The following DLG5 variants were observed in gnomAD, a reference collection of about 807,000 sequenced individuals.
The protein encoded by DLG5 is disks large homolog 5.
Under a neutral mutation model 189.8 loss-of-function variants are expected in DLG5, and 48 were observed. That is an observed-to-expected ratio of 0.25 (90% confidence interval 0.20 to 0.32). DLG5 has a LOEUF of 0.32. DLG5 is among the 10% of genes least tolerant of loss of function. DLG5 has a pLI of 1.00. For missense variants in DLG5, 2,160 were observed against 2,544.7 expected, an observed-to-expected ratio of 0.85 and a Z score of 3.25; for synonymous variants, 1,016 against 1,054.1, an observed-to-expected ratio of 0.96 and a Z score of 0.70.
chr10:77,835,660 G>A (rs1052401918), intron 8 of DLG5, 78 bp downstream of exon 8: 2 of 1,440,548 alleles, frequency 1.4e-6, no homozygotes, highest in South Asian at 1.4e-5. Context: ...AAATGATTCC[G>A]ACCCTCCCAA....
chr10:77,809,765 A>G (rs751829129), intron 23 of DLG5, 35 bp from the exon 24 acceptor site: 3 of 1,588,174 alleles, frequency 1.9e-6, no homozygotes, highest in Admixed American at 1.8e-5. Flanking sequence ...TCAACTGTGC[A>G]CAAAGAGGAG....
intron 24 of DLG5, 100 bp from the exon 25 acceptor site, chr10:77,808,044 T>A (rs1841568250): frequency 1.4e-6 from 2 of 1,407,886 alleles, no homozygotes; most frequent in Non-Finnish European, 1.9e-6. Flanking sequence ...AAATTCAACA[T>A]CCCTCCTTAA....
At chr10:77,822,743 C>A (rs1842434495) in intron 14 of DLG5, among the ~76,000 whole-genome samples, 1 of 151,992 alleles carries the variant, frequency 6.6e-6, no homozygotes, top group African/African-American at 2.4e-5. Context: ...TTGTGGTACA[C>A]CCAGACAACG....
intron 1 of DLG5, among the ~76,000 whole-genome samples, chr10:77,893,213 A>C (rs910818638): frequency 3.3e-5 from 5 of 152,066 alleles, no homozygotes; most frequent in African/African-American, 4.8e-5. Context: ...TTACCTACCC[A>C]CCAGTGTCTC....
chr10:77,860,307 G>GC (rs1844423444), intron 2 of DLG5, among the ~76,000 whole-genome samples: 1 of 152,088 alleles, frequency 6.6e-6, no homozygotes, highest in African/African-American at 2.4e-5. Flanking sequence ...GGTTGGTTTT[G>GC]TTTTTTTGAG....
chr10:77,909,623 C>T (rs955630771), intron 1 of DLG5, among the ~76,000 whole-genome samples: 1 of 151,994 alleles, frequency 6.6e-6, no homozygotes, highest in African/African-American at 2.4e-5. Flanking sequence ...CTCACAAAAT[C>T]GGGGGAAATG....
At chr10:77,903,474 C>T (rs188620221) in intron 1 of DLG5, among the ~76,000 whole-genome samples, 360 of 151,386 alleles carry the variant, frequency 2.4e-3, no homozygotes, top group Non-Finnish European at 4.0e-3. Flanking sequence ...TACAATTAGC[C>T]GGGCATGGTG....
chr10:77,936,204 C>G, the DLG5 span, among the ~76,000 whole-genome samples: 1 of 152,080 alleles, frequency 6.6e-6, no homozygotes, highest in Non-Finnish European at 1.5e-5. Context: ...CTTTGGGAGG[C>G]CAAGGCAGGT....
At chr10:77,793,067 T>A (rs1352498359) in intron 31 of DLG5, 1 of 152,898 alleles carries the variant, frequency 6.5e-6, no homozygotes, top group Non-Finnish European at 1.5e-5. Flanking sequence ...CAACAAGGCA[T>A]GCTCAGAAAT....
intron 7 of DLG5, among the ~76,000 whole-genome samples, chr10:77,836,635 CA>C (rs1460633338): frequency 6.6e-6 from 1 of 152,158 alleles, no homozygotes; most frequent in South Asian, 2.1e-4. Context: ...ACGTAGAAAA[CA>C]AGAGAAGAGA....
chr10:77,816,431 G>A (rs1842054230), intron 20 of DLG5, 120 bp downstream of exon 20: 8 of 1,465,768 alleles, frequency 5.5e-6, no homozygotes, highest in Non-Finnish European at 7.5e-6. Context: ...GCAAATGCTG[G>A]GACACTCAAG....
Position 77,841,982 on chromosome 10 carries a change from G to A in DLG5, c.1336C>T (p.Leu446=). The A allele has an allele frequency of 6.2e-7, 1 of 1,614,192 alleles. No homozygotes were observed. The highest frequency in any genetic ancestry group is 8.5e-7 in the Non-Finnish European group (1 of 1,180,052). ...MSERDQVISE[L]DKLQTEVELA... is the part of the protein sequence containing the mutation. ...TCCACTTCGGTCTGCAGCTTGTCCA[G>A]CTCAGAGATGACCTGGTCACGCTCA... The change falls in exon 7 of 32, where the codon CTG becomes TTG. Residue 446 remains leucine, a synonymous_variant. Coordinates refer to ENST00000372391, the MANE Select transcript of DLG5 (RefSeq NM_004747.4).
intron 1 of DLG5, among the ~76,000 whole-genome samples, chr10:77,870,643 C>T (rs1397014321): frequency 6.6e-6 from 1 of 151,974 alleles, no homozygotes; most frequent in Non-Finnish European, 1.5e-5. Context: ...CATGATCATG[C>T]CACTGCACTT....
intron 13 of DLG5, 117 bp downstream of exon 13, chr10:77,828,765 T>C: frequency 1.1e-6 from 1 of 903,758 alleles, no homozygotes; most frequent in South Asian, 1.6e-5. Context: ...GTTCACATAG[T>C]ACAATGCCCA....
Position 77,791,968 on chromosome 10 carries a change from C to A in DLG5, c.*472G>T, listed in dbSNP as rs959418376. The A allele has an allele frequency of 2.4e-5, 4 of 165,318 alleles. No individual in the cohort carries two copies. The highest frequency in any genetic ancestry group is 5.3e-5 in the Non-Finnish European group (4 of 76,120). 10.2% of individuals were successfully genotyped at this position (165,318 alleles called of 1,614,324 possible). On this transcript the variant is annotated 3_prime_UTR_variant, in exon 32 of 32. Transcript: ENST00000372391. ...ACAAGAACCTCCCAAAGCAAAGCAG[C>A]CCCCATTGAGGTTCCAAGGTCGTTT...
chr10:77,832,397 T>C (rs1277203625), intron 9 of DLG5, among the ~76,000 whole-genome samples: 1 of 152,196 alleles, frequency 6.6e-6, no homozygotes, highest in African/African-American at 2.4e-5. Context: ...CCTACTTGTG[T>C]TTCCTGCTCC....
At chr10:77,812,487 C>A (rs1841828377) in intron 20 of DLG5, 110 bp from the exon 21 acceptor site, 2 of 1,255,022 alleles carry the variant, frequency 1.6e-6, no homozygotes, top group Admixed American at 2.4e-5. Flanking sequence ...GGGCCCCGAG[C>A]CTGGATGCTC....
intron 5 of DLG5, among the ~76,000 whole-genome samples, chr10:77,852,094 T>A (rs1282270311): frequency 1.3e-5 from 2 of 152,126 alleles, no homozygotes; most frequent in Non-Finnish European, 2.9e-5. Flanking sequence ...AGGAATTGGC[T>A]GGGTGTGATG....
the DLG5 span, among the ~76,000 whole-genome samples, chr10:77,935,050 G>A: frequency 6.6e-6 from 1 of 151,898 alleles, no homozygotes; most frequent in East Asian, 1.9e-4. Context: ...GTAGAGATAG[G>A]GCTTCACTAT....
Sources: gnomAD v4.1 joint callset for allele counts (sites outside exome capture counted in the v4.1 genomes callset) on GRCh38, gnomAD v4.1.1 for gene constraint, MANE v1.5 for transcripts, NCBI Gene and HGNC (gene_info 2026-07-23, HGNC 2026-07-21) for gene names.